NTN1: variants seen among roughly 807,000 people sequenced by gnomAD.
The protein encoded by NTN1 is netrin-1.
Under a neutral mutation model 54.2 loss-of-function variants are expected in NTN1, and 11 were observed. The observed-to-expected ratio is 0.20, with a 90% CI of 0.13 to 0.34. The LOEUF is 0.34. Ranked by LOEUF, NTN1 falls within the 10% of genes least tolerant of loss-of-function variation. NTN1 has a pLI of 1.00. For missense variants in NTN1, 740 were observed against 893.1 expected (o/e 0.83, Z 2.18); for synonymous variants, 371 against 382.0 (o/e 0.97, Z 0.33).
At chr17:9,078,406 G>A (rs906210299) in intron 2 of NTN1, among the ~76,000 whole-genome samples, 1 of 152,216 alleles carries the variant, frequency 6.6e-6, no homozygotes, top group Non-Finnish European at 1.5e-5. Flanking sequence ...TGGCACAAAG[G>A]CTGGTACATC....
intron 5 of NTN1, among the ~76,000 whole-genome samples, chr17:9,188,868 C>T (rs140089082): frequency 7.9e-5 from 12 of 152,218 alleles, no homozygotes; most frequent in Non-Finnish European, 1.5e-4. Context: ...CACTGGAGAC[C>T]GTGCAGACAG....
At chr17:9,131,748 T>C (rs1283829076) in intron 2 of NTN1, among the ~76,000 whole-genome samples, 2 of 151,996 alleles carry the variant, frequency 1.3e-5, no homozygotes, top group South Asian at 4.2e-4. Flanking sequence ...GCCTGGCTAA[T>C]TTTTTGTATT....
intron 5 of NTN1, among the ~76,000 whole-genome samples, chr17:9,216,999 G>GC (rs1446319287): frequency 6.6e-6 from 1 of 151,584 alleles, no homozygotes; most frequent in Non-Finnish European, 1.5e-5. Context: ...CCGAGATCAT[G>GC]CCATTGCACT....
chr17:9,229,492 C>G (rs3785995), intron 6 of NTN1, among the ~76,000 whole-genome samples: 3 of 151,718 alleles, frequency 2.0e-5, no homozygotes, highest in African/African-American at 7.3e-5. Context: ...ACGGCTGAGA[C>G]CTTGCTTCTC....
rs1287654054 is a variant in NTN1, at chr17:9,239,689, G to A, written c.1536G>A (p.Lys512=). ...LKADKAGDWW[K]FTVNIISVYK... ...CGGACAAGGCGGGGGACTGGTGGAA[G>A]TTCACGGTGAACATCATCTCCGTGT... Residue 512 remains lysine, a synonymous_variant, in exon 7 of 7, where the codon AAG becomes AAA. Transcript: ENST00000173229. The surrounding 1 kb of genome is among the most constrained non-coding windows in gnomAD (Gnocchi z 5.2). The A allele has an allele frequency of 6.2e-7, 1 of 1,613,198 alleles. No individual in the cohort carries two copies. The highest frequency in any genetic ancestry group is 8.5e-7 in the Non-Finnish European group (1 of 1,179,494).
intron 3 of NTN1, among the ~76,000 whole-genome samples, chr17:9,169,893 T>C (rs1219786228): frequency 6.6e-6 from 1 of 152,184 alleles, no homozygotes; most frequent in African/African-American, 2.4e-5. Context: ...AAGAAATTCC[T>C]GGAGGATCTC....
At chr17:9,081,397 G>C (rs370375702) in intron 2 of NTN1, among the ~76,000 whole-genome samples, 1 of 152,066 alleles carries the variant, frequency 6.6e-6, no homozygotes, top group Non-Finnish European at 1.5e-5. Flanking sequence ...AATCTTTGAC[G>C]TCTCAACCAG....
chr17:9,142,752 T>TATA (rs1368176562), intron 2 of NTN1, among the ~76,000 whole-genome samples: 2 of 152,168 alleles, frequency 1.3e-5, no homozygotes, highest in African/African-American at 4.8e-5. Flanking sequence ...TCTGTCCTTA[T>TATA]GGAGCTTACA....
intron 3 of NTN1, among the ~76,000 whole-genome samples, chr17:9,169,203 G>A (rs2092380562): frequency 6.6e-6 from 1 of 152,226 alleles, no homozygotes; most frequent in African/African-American, 2.4e-5. Flanking sequence ...TGGTCAGGCT[G>A]CTGGCCTCTG....
intron 2 of NTN1, among the ~76,000 whole-genome samples, chr17:9,121,509 G>A (rs1484931276): frequency 6.6e-6 from 1 of 152,032 alleles, no homozygotes; most frequent in Non-Finnish European, 1.5e-5. Context: ...TGGCAGTTCT[G>A]TGCATACGTA....
intron 5 of NTN1, among the ~76,000 whole-genome samples, chr17:9,203,211 A>G (rs374587514): frequency 2.1e-4 from 32 of 152,180 alleles, no homozygotes; most frequent in South Asian, 2.1e-3. Flanking sequence ...GTGAGCCACC[A>G]TGCCCGGCTG....
At chr17:9,194,913 A>G (rs886452450) in intron 5 of NTN1, among the ~76,000 whole-genome samples, 2 of 152,226 alleles carry the variant, frequency 1.3e-5, no homozygotes, top group African/African-American at 4.8e-5. Context: ...AAAAATGGCA[A>G]TTTCCTAGAG....
intron 5 of NTN1, among the ~76,000 whole-genome samples, chr17:9,191,626 T>G (rs59442379): frequency 7.8e-4 from 119 of 152,088 alleles, no homozygotes; most frequent in African/African-American, 2.7e-3. Context: ...TAATATGAAA[T>G]CAGGCTAAAA....
intron 2 of NTN1, among the ~76,000 whole-genome samples, chr17:9,149,493 G>C (rs779370158): frequency 1.3e-5 from 2 of 152,194 alleles, no homozygotes; most frequent in Admixed American, 6.5e-5. Context: ...TCACCATGCT[G>C]CTGGGGGTCT....
intron 2 of NTN1, among the ~76,000 whole-genome samples, chr17:9,148,228 G>A (rs2092319002): frequency 6.6e-6 from 1 of 152,160 alleles, no homozygotes; most frequent in African/African-American, 2.4e-5. Flanking sequence ...GTGCTCCTGG[G>A]CACAGGTATC....
At chr17:9,083,698 A>T (rs981182582) in intron 2 of NTN1, among the ~76,000 whole-genome samples, 2 of 152,212 alleles carry the variant, frequency 1.3e-5, no homozygotes, top group African/African-American at 4.8e-5. Context: ...CCAAAGGATG[A>T]TATTGAGACC....
intron 2 of NTN1, among the ~76,000 whole-genome samples, chr17:9,048,314 CTTT>C (rs34970192): frequency 3.5e-4 from 52 of 148,888 alleles, no homozygotes; most frequent in South Asian, 3.2e-3. Context: ...TGAAAGGAAT[CTTT>C]TTTTTTTTTT....
chr17:9,221,670 G>C lies in NTN1; in HGVS notation c.1486+428G>C, dbSNP rs1905359954. Among the ~76,000 whole-genome samples, 1 of 152,242 alleles carries C rather than the reference G, an allele frequency of 6.6e-6. No individual in the cohort carries two copies. The highest frequency in any genetic ancestry group is 2.1e-4 in the South Asian group (1 of 4,830). ...CTGGGAGCTCCCCGGTGCATTTCCA[G>C]TGTTCCGCCAGGCTGTAGCGGGGCC... is the stretch of plus-strand genomic sequence containing the variant. On this transcript the variant is annotated intron_variant, in intron 6 of 6. Transcript: ENST00000173229. The surrounding 1 kb of genome is among the most constrained non-coding windows in gnomAD (Gnocchi z 4.5).
intron 6 of NTN1, among the ~76,000 whole-genome samples, chr17:9,236,477 C>T (rs1905995027): frequency 6.6e-6 from 1 of 152,228 alleles, no homozygotes; most frequent in East Asian, 1.9e-4. Flanking sequence ...GGGGCTTGGC[C>T]CATGCACTGC....
Sources: allele counts gnomAD v4.1 joint callset (sites outside exome capture counted in the v4.1 genomes callset), GRCh38; gene constraint gnomAD v4.1.1; non-coding constraint Gnocchi (gnomAD v3.1); transcripts MANE v1.5; gene names NCBI Gene and HGNC (gene_info 2026-07-23, HGNC 2026-07-21).